ZCCHC14: variants seen among roughly 807,000 people sequenced by gnomAD.
ZCCHC14 encodes the protein zinc finger CCHC-type containing 14, also known as zinc finger CCHC domain-containing protein 14.
A neutral mutation model predicts 85.0 loss-of-function variants in ZCCHC14; 16 were observed. The observed-to-expected ratio is 0.19, with a 90% CI of 0.13 to 0.29. The LOEUF (loss-of-function observed/expected upper bound fraction) is 0.29, where lower values mean the gene tolerates loss of function less well. Ranked by LOEUF, ZCCHC14 falls within the 10% of genes least tolerant of loss-of-function variation. The pLI, the probability that ZCCHC14 is intolerant of heterozygous loss-of-function variation, is 1.00. For missense variants in ZCCHC14, 1,303 were observed against 1,443.5 expected (o/e 0.90, Z 1.58); for synonymous variants, 775 against 630.7 (o/e 1.23, Z -3.43).
In ZCCHC14 at chr16:87,412,080, A is replaced by T. The variant is rs1908484132; in HGVS notation, c.2641T>A (p.Tyr881Asn). The part of the protein sequence containing the change: ...ALSSVPESSF[Y>N]SSSGGGGSTG... ...GAGCCGCCACCGCCACTGCTGCTAT[A>T]GAAACTGCTTTCAGGGACGGAGGAC... is the stretch of plus-strand genomic sequence containing the variant. The change falls in exon 12 of 13, where the codon TAT becomes AAT. Residue 881 changes from tyrosine (Y) to asparagine (N), a missense_variant. This residue lies in a region of ZCCHC14 where 797 missense variants were observed against 730.8 expected (regional missense o/e 1.09). Transcript: ENST00000671377. 1 of 1,612,510 alleles carries T rather than the reference A, an allele frequency of 6.2e-7. No homozygotes were observed. The highest frequency in any genetic ancestry group is 1.3e-5 in the African/African-American group (1 of 74,928).
chr16:87,487,127 G>A (rs1912545180), intron 1 of ZCCHC14, among the ~76,000 whole-genome samples: 1 of 152,158 alleles, frequency 6.6e-6, no homozygotes, highest in African/African-American at 2.4e-5. Flanking sequence ...ATTTTCAGCA[G>A]GTTTATTCAC....
chr16:87,413,188 C>T lies in ZCCHC14; in HGVS notation c.1611G>A (p.Arg537=), dbSNP rs1022906168. The change falls in exon 11 of 13, where the codon CGG becomes CGA. Residue 537 remains arginine (R), a synonymous_variant. Transcript: ENST00000671377. ...SGRGSHAAEL[R]VEVEQPHHQL... ...GGTGATGGGGCTGCTCCACTTCCACCCGCAGCTCTGCAGAAAAGGGACAGA... is the reference window on the plus strand; with the variant it reads ...GGTGATGGGGCTGCTCCACTTCCACTCGCAGCTCTGCAGAAAAGGGACAGA... 1.3e-6 allele frequency: 2 copies of T among 1,566,632 alleles called. No homozygotes were observed. The highest frequency in any genetic ancestry group is 1.4e-5 in the African/African-American group (1 of 73,680).
intron 2 of ZCCHC14, among the ~76,000 whole-genome samples, chr16:87,458,064 G>C (rs1235647939): frequency 6.7e-6 from 1 of 149,030 alleles, no homozygotes; most frequent in Non-Finnish European, 1.5e-5. Context: ...ATGCAGACGA[G>C]ACAATGACAG....
chr16:87,446,433 G>A (rs1447119305), intron 2 of ZCCHC14, among the ~76,000 whole-genome samples: 2 of 150,702 alleles, frequency 1.3e-5, no homozygotes, highest in Non-Finnish European at 2.9e-5. Flanking sequence ...ACAGTGAGCT[G>A]AGATTGCGCC....
chr16:87,408,839 TATA>T lies in ZCCHC14; in HGVS notation c.*1438_*1440del, dbSNP rs1908314576. ...CCCATTTTAAGAATAGTCTGAATAT[TATA>T]ATTTTTTTTAAAATAAATATCCAAC... is the stretch of plus-strand genomic sequence containing the variant. On this transcript the variant is annotated 3_prime_UTR_variant, in exon 13 of 13. Transcript: ENST00000671377. 1 of 152,608 alleles carries T rather than the reference TATA, an allele frequency of 6.6e-6. No homozygotes were observed. The highest frequency in any genetic ancestry group is 1.5e-5 in the Non-Finnish European group (1 of 68,048). 9.5% of individuals were successfully genotyped at this position (152,608 alleles called of 1,614,324 possible).
intron 2 of ZCCHC14, among the ~76,000 whole-genome samples, chr16:87,459,571 G>A (rs763463715): frequency 6.0e-5 from 9 of 150,252 alleles, no homozygotes; most frequent in South Asian, 2.1e-4. Flanking sequence ...GTGCAATGGC[G>A]TGATCTTGGC....
chr16:87,465,275 T>C (rs1047241251), intron 1 of ZCCHC14, among the ~76,000 whole-genome samples: 1 of 152,264 alleles, frequency 6.6e-6, no homozygotes, highest in East Asian at 1.9e-4. Flanking sequence ...GGGCCTGGCA[T>C]GAAGCAGGCC....
chr16:87,480,002 T>C (rs1385561756), intron 1 of ZCCHC14, among the ~76,000 whole-genome samples: 1 of 152,008 alleles, frequency 6.6e-6, no homozygotes, highest in Non-Finnish European at 1.5e-5. Flanking sequence ...CTTGAACTCC[T>C]GGCCTCAAGT....
At chr16:87,480,001 C>T (rs1471974153) in intron 1 of ZCCHC14, among the ~76,000 whole-genome samples, 2 of 151,906 alleles carry the variant, frequency 1.3e-5, no homozygotes, top group Non-Finnish European at 2.9e-5. Flanking sequence ...TCTTGAACTC[C>T]TGGCCTCAAG....
At chr16:87,416,711 A>C (rs1908800533) in intron 8 of ZCCHC14, among the ~76,000 whole-genome samples, 1 of 152,158 alleles carries the variant, frequency 6.6e-6, no homozygotes, top group Non-Finnish European at 1.5e-5. Context: ...AGCCGAGACC[A>C]TACCATTGCA....
At chr16:87,484,553 G>A (rs748799277) in intron 1 of ZCCHC14, among the ~76,000 whole-genome samples, 6 of 152,200 alleles carry the variant, frequency 3.9e-5, no homozygotes, top group Non-Finnish European at 2.9e-5. Flanking sequence ...GTATCTAAGC[G>A]TGTATATGGT....
chr16:87,469,351 C>T (rs1215725384), intron 1 of ZCCHC14, among the ~76,000 whole-genome samples: 1 of 152,244 alleles, frequency 6.6e-6, no homozygotes, highest in Non-Finnish European at 1.5e-5. Context: ...ATGTCAGTTC[C>T]TAAATGCCTT....
In ZCCHC14 at chr16:87,408,624, A is replaced by G. The variant is rs1320683162; in HGVS notation, c.*1656T>C. 1 of 152,640 alleles carries G rather than the reference A, an allele frequency of 6.6e-6. No homozygotes were observed. Among genetic ancestry groups the G allele is most frequent in the African/African-American group, 2.4e-5 (1 of 41,470 alleles). The allele number at this position is 152,640 out of a possible 1,614,324, so 9.5% of individuals were successfully genotyped here. A position where few individuals can be genotyped will look rare whatever the true frequency, so the allele number is the denominator to read the frequency against. On this transcript the variant is annotated 3_prime_UTR_variant, in exon 13 of 13. Transcript: ENST00000671377. ...AAGAGGTCTGTTAATTCTGCATTGC[A>G]TAGAAATAAAATTCAACTAAAATAA...
chr16:87,474,451 C>G (rs1157621435), intron 1 of ZCCHC14: 1 of 152,202 alleles, frequency 6.6e-6, no homozygotes, highest in Admixed American at 6.5e-5. Context: ...ATTTCTGCAA[C>G]CCCTGGAGTA....
chr16:87,480,398 G>A (rs935291222), intron 1 of ZCCHC14, among the ~76,000 whole-genome samples: 1 of 151,906 alleles, frequency 6.6e-6, no homozygotes, highest in African/African-American at 2.4e-5. Context: ...GCGAGACACT[G>A]TCTCAAAAAA....
At chr16:87,473,204 C>CT (rs879513379) in intron 1 of ZCCHC14, 268 of 142,134 alleles carry the variant, frequency 1.9e-3, no homozygotes, top group Middle Eastern at 7.8e-3. Context: ...ATCTACAGGA[C>CT]TTTTTTTTTT....
rs143188446 is a variant in ZCCHC14 at position 87,434,224 on chromosome 16, T to G, written c.695-1023A>C. ...TTAGGTTTTAAGCACTATTTTTAAATGAGCCCAAATATCTGCTCAAAATAA... is the reference window on the plus strand; with the variant it reads ...TTAGGTTTTAAGCACTATTTTTAAAGGAGCCCAAATATCTGCTCAAAATAA... On this transcript the variant is annotated intron_variant, in intron 2 of 12. Transcript: ENST00000671377. Among the ~76,000 whole-genome samples the G allele has an allele frequency of 5.1e-3, 784 of 152,350 alleles. 7 individuals are homozygous for G. The highest frequency in any genetic ancestry group is 0.018 in the African/African-American group (761 of 41,582).
At chr16:87,453,594 G>C (rs988550712) in intron 2 of ZCCHC14, among the ~76,000 whole-genome samples, 2 of 152,216 alleles carry the variant, frequency 1.3e-5, no homozygotes, top group Non-Finnish European at 2.9e-5. Context: ...GGCCGACTTC[G>C]CACAGCTGGT....
Position 87,423,170 on chromosome 16 carries a change from G to A in ZCCHC14, c.840+640C>T, listed in dbSNP as rs887044637. Among the ~76,000 whole-genome samples the A allele has an allele frequency of 1.1e-4, 17 of 152,316 alleles. 1 individual carries two copies. Among genetic ancestry groups the A allele is most frequent in the Middle Eastern group, 6.8e-3 (2 of 294 alleles). On this transcript the variant is annotated intron_variant, in intron 4 of 12. Transcript: ENST00000671377. ...GCACAGGCCAGTGGGCCCTAAACAC[G>A]TGTGCAGTTACAACTGTGTGTACAC... is the stretch of plus-strand genomic sequence containing the variant.
Sources: allele counts gnomAD v4.1 joint callset (sites outside exome capture counted in the v4.1 genomes callset), GRCh38; gene constraint gnomAD v4.1.1; regional missense constraint gnomAD v4.1.1; transcripts MANE v1.5; gene names NCBI Gene and HGNC (gene_info 2026-07-23, HGNC 2026-07-21).